The following FAR2 variants were observed in gnomAD, a reference collection of about 807,000 sequenced individuals.
The protein encoded by FAR2 is epididymis secretory protein Li 81.
FAR2 carries 19 observed loss-of-function variants against 56.0 expected under a neutral mutation model. The ratio of observed to expected loss-of-function variants is 0.34; its 90% CI spans 0.24 to 0.50. FAR2 has a LOEUF of 0.50. Ranked by LOEUF, FAR2 falls within the 20% of genes least tolerant of loss-of-function variation. The probability of loss-of-function intolerance (pLI) is 0.98; values close to 1 mark genes in which losing one functional copy is unlikely to be tolerated. For synonymous variants in FAR2, 219 were observed against 218.8 expected (o/e 1.00, Z -0.01); for missense variants, 508 against 642.2 (o/e 0.79, Z 2.26).
chr12:29,152,675 TC>T (rs1435510158), intron 1 of FAR2, among the ~76,000 whole-genome samples: 3 of 152,238 alleles, frequency 2.0e-5, no homozygotes, highest in Non-Finnish European at 4.4e-5. Context: ...GTTCCTGTAT[TC>T]AGTAAACTTA....
intron 1 of FAR2, among the ~76,000 whole-genome samples, chr12:29,169,488 G>A (rs1192717169): frequency 6.6e-6 from 1 of 152,254 alleles, no homozygotes. Context: ...ACGGGACCTA[G>A]AAAGGGGAGA....
At chr12:29,327,299 A>C (rs1949664757) in intron 10 of FAR2, among the ~76,000 whole-genome samples, 1 of 152,232 alleles carries the variant, frequency 6.6e-6, no homozygotes, top group Admixed American at 6.5e-5. Flanking sequence ...GGGTAGGAAG[A>C]ATCAATATCG....
At chr12:29,277,737 TAG>T (rs1948723072) in intron 2 of FAR2, 1 of 152,166 alleles carries the variant, frequency 6.6e-6, no homozygotes, top group Non-Finnish European at 1.5e-5. Flanking sequence ...TTCTTTCAGG[TAG>T]ATGCCTAGGC....
chr12:29,219,280 AAC>A (rs1242736204), intron 1 of FAR2, among the ~76,000 whole-genome samples: 17 of 152,224 alleles, frequency 1.1e-4, no homozygotes, highest in South Asian at 2.1e-4. Context: ...GCCCATAGTA[AAC>A]ACTAAAGTAA....
intron 1 of FAR2, among the ~76,000 whole-genome samples, chr12:29,258,487 T>G (rs1466070147): frequency 6.6e-6 from 1 of 152,252 alleles, no homozygotes; most frequent in Admixed American, 6.5e-5. Context: ...TGAAAGAATT[T>G]CAATGTTTAA....
intron 1 of FAR2, among the ~76,000 whole-genome samples, chr12:29,176,065 T>C (rs1389657003): frequency 6.6e-6 from 1 of 152,230 alleles, no homozygotes; most frequent in African/African-American, 2.4e-5. Flanking sequence ...TCTGTAGTTT[T>C]ATAAGATACG....
At chr12:29,211,226 G>T (rs1190424204) in intron 1 of FAR2, among the ~76,000 whole-genome samples, 1 of 152,056 alleles carries the variant, frequency 6.6e-6, no homozygotes, top group Non-Finnish European at 1.5e-5. Context: ...GGGAAGCGGA[G>T]GTTGTAGTGA....
chr12:29,245,259 C>T (rs887384846), intron 1 of FAR2, among the ~76,000 whole-genome samples: 4 of 152,280 alleles, frequency 2.6e-5, no homozygotes, highest in Admixed American at 2.0e-4. Context: ...GGATTACAGG[C>T]GTGAGCCACT....
chr12:29,175,454 A>G (rs944641645), intron 1 of FAR2, among the ~76,000 whole-genome samples: 4 of 152,240 alleles, frequency 2.6e-5, no homozygotes, highest in Admixed American at 6.5e-5. Flanking sequence ...GTGTGGACCC[A>G]AAGAGTGAGC....
chr12:29,325,967 G>A (rs146452422), intron 10 of FAR2, among the ~76,000 whole-genome samples: 7,399 of 152,080 alleles, frequency 0.049, 497 homozygotes, highest in African/African-American at 0.15. Context: ...CCAGGAGCTG[G>A]TTTTTTGAAA....
chr12:29,263,704 A>T (rs954092984), intron 1 of FAR2, among the ~76,000 whole-genome samples: 4 of 124,432 alleles, frequency 3.2e-5, no homozygotes, highest in Non-Finnish European at 5.3e-5. Flanking sequence ...TACTAAGAAT[A>T]AATTTCTCTC....
In FAR2 at chr12:29,271,652, C is replaced by T. The variant is rs890165862; in HGVS notation, c.189+1014C>T. On this transcript the variant is annotated intron_variant, in intron 2 of 11. Coordinates refer to ENST00000536681, the MANE Select transcript of FAR2 (RefSeq NM_001271783.2). Reference sequence around the variant, plus strand: ...AAATTTATCTGCTTGCAACAGAATACGATTTTGTTACAAACCATCATCAAG... The same window carrying T: ...AAATTTATCTGCTTGCAACAGAATATGATTTTGTTACAAACCATCATCAAG... 5.3e-5 allele frequency among the ~76,000 whole-genome samples: 8 copies of T among 152,150 alleles called. No homozygotes were observed. The South Asian group carries it at 1.4e-3, about 28-fold the overall frequency.
chr12:29,209,700 G>GTGTA (rs750962418), intron 1 of FAR2, among the ~76,000 whole-genome samples: 1 of 151,618 alleles, frequency 6.6e-6, no homozygotes, highest in Non-Finnish European at 1.5e-5. Context: ...CTCTGTGTGT[G>GTGTA]TGTGTGTGTG....
chr12:29,149,739 C>T (rs1303429392), intron 1 of FAR2, among the ~76,000 whole-genome samples: 1 of 152,212 alleles, frequency 6.6e-6, no homozygotes, highest in East Asian at 1.9e-4. Context: ...TGTGGGGGGC[C>T]GCGCCTTGGG....
chr12:29,313,996 C>T (rs546019030), intron 8 of FAR2, among the ~76,000 whole-genome samples: 21 of 152,132 alleles, frequency 1.4e-4, no homozygotes, highest in Middle Eastern at 3.4e-3. Flanking sequence ...CTTTATATTT[C>T]GCTCAAATGC....
chr12:29,322,454 T>A (rs1284293741), intron 10 of FAR2, among the ~76,000 whole-genome samples: 1 of 152,202 alleles, frequency 6.6e-6, no homozygotes, highest in East Asian at 1.9e-4. Flanking sequence ...TGCTGCATCG[T>A]CGATCTCCCT....
intron 1 of FAR2, among the ~76,000 whole-genome samples, chr12:29,190,109 T>G (rs908157729): frequency 2.0e-5 from 3 of 152,074 alleles, no homozygotes; most frequent in Non-Finnish European, 4.4e-5. Flanking sequence ...GAGGGGAGGA[T>G]ACAGACATCA....
At chr12:29,222,432 A>G (rs1275666141) in intron 1 of FAR2, among the ~76,000 whole-genome samples, 2 of 152,196 alleles carry the variant, frequency 1.3e-5, no homozygotes, top group African/African-American at 4.8e-5. Context: ...TTCAACTCCA[A>G]ATACAAATAG....
Position 29,213,770 on chromosome 12 carries a change from C to G in FAR2, c.-38-56642C>G, listed in dbSNP as rs190650187. ...CTTGCCCTATCCCCTTTGTTGCCTT[C>G]TACAAAATGTGTGCCGCAGTCAACC... On this transcript the variant is annotated intron_variant, in intron 1 of 11. Coordinates refer to ENST00000536681, the MANE Select transcript of FAR2 (RefSeq NM_001271783.2). Among the ~76,000 whole-genome samples, 27 of 151,838 alleles carry G rather than the reference C, an allele frequency of 1.8e-4. No homozygotes were observed. In the East Asian group the frequency reaches 3.5e-3, roughly 20 times the overall value.
Sources: gnomAD v4.1 joint callset for allele counts (sites outside exome capture counted in the v4.1 genomes callset) on GRCh38, gnomAD v4.1.1 for gene constraint, MANE v1.5 for transcripts, NCBI Gene and HGNC (gene_info 2026-07-23, HGNC 2026-07-21) for gene names.